Variants in WWOX observed in about 807,000 individuals in gnomAD.
The protein encoded by WWOX is WW domain containing oxidoreductase, also known as WW domain-containing oxidoreductase.
Under a neutral mutation model 46.2 loss-of-function variants are expected in WWOX, and 69 were observed. The ratio of observed to expected loss-of-function variants is 1.49; its 90% confidence interval spans 1.23 to 1.82. WWOX has a LOEUF of 1.82. Ranked by LOEUF, WWOX falls within the 40% of genes most tolerant of loss-of-function variation. The pLI, the probability that WWOX is intolerant of heterozygous loss-of-function variation, is 0.00. For missense variants in WWOX, 919 were observed against 542.6 expected, an observed-to-expected ratio of 1.69 and a Z score of -6.89; for synonymous variants, 359 against 202.6, an observed-to-expected ratio of 1.77 and a Z score of -6.56.
chr16:78,194,928 T>G (rs996562038), intron 5 of WWOX, among the ~76,000 whole-genome samples: 1 of 152,224 alleles, frequency 6.6e-6, no homozygotes, highest in Non-Finnish European at 1.5e-5. Context: ...ATGTGCGTTC[T>G]GCTATACAGC....
chr16:78,117,674 T>C (rs2032870315), intron 4 of WWOX, among the ~76,000 whole-genome samples: 1 of 152,234 alleles, frequency 6.6e-6, no homozygotes, highest in Non-Finnish European at 1.5e-5. Context: ...TGCCAATTTA[T>C]AAATTGCTAT....
intron 5 of WWOX, among the ~76,000 whole-genome samples, chr16:78,292,600 A>C (rs2079877084): frequency 6.6e-6 from 1 of 152,112 alleles, no homozygotes; most frequent in Non-Finnish European, 1.5e-5. Context: ...ATTTAGTTGA[A>C]AGATTATGTT....
chr16:78,144,472 T>TATACAC (rs2034115764), intron 4 of WWOX, among the ~76,000 whole-genome samples: 5 of 30,506 alleles, frequency 1.6e-4, no homozygotes, highest in African/African-American at 7.3e-4. Flanking sequence ...TACACACATA[T>TATACAC]ATATATATAT....
At chr16:78,811,774 C>T (rs539896389) in intron 8 of WWOX, among the ~76,000 whole-genome samples, 1 of 152,102 alleles carries the variant, frequency 6.6e-6, no homozygotes, top group Non-Finnish European at 1.5e-5. Flanking sequence ...CACCCAGATA[C>T]CATCCCACTG....
At chr16:78,421,309 C>T (rs2082924038) in intron 6 of WWOX, among the ~76,000 whole-genome samples, 1 of 152,128 alleles carries the variant, frequency 6.6e-6, no homozygotes, top group African/African-American at 2.4e-5. Context: ...TTTCTCCTAG[C>T]TTCCCATGAC....
At chr16:78,416,725 C>T (rs1369288817) in intron 6 of WWOX, among the ~76,000 whole-genome samples, 1 of 152,176 alleles carries the variant, frequency 6.6e-6, no homozygotes, top group Non-Finnish European at 1.5e-5. Context: ...GTAAACACTG[C>T]AGAAACTATC....
At chr16:78,386,599 C>G (rs576007721) in intron 5 of WWOX, among the ~76,000 whole-genome samples, 1 of 151,960 alleles carries the variant, frequency 6.6e-6, no homozygotes, top group Non-Finnish European at 1.5e-5. Context: ...GCCTCTTTTG[C>G]GCGGCTGAAA....
intron 8 of WWOX, among the ~76,000 whole-genome samples, chr16:78,913,418 A>G (rs916187964): frequency 1.3e-5 from 2 of 151,906 alleles, no homozygotes; most frequent in African/African-American, 4.8e-5. Flanking sequence ...CCTGACCTGT[A>G]AAAACCTGTC....
chr16:78,942,885 G>C (rs963703889), intron 8 of WWOX, among the ~76,000 whole-genome samples: 1 of 152,186 alleles, frequency 6.6e-6, no homozygotes, highest in Non-Finnish European at 1.5e-5. Context: ...AGAAAGAGAT[G>C]TTCTTTGCTT....
intron 8 of WWOX, among the ~76,000 whole-genome samples, chr16:78,613,158 C>G (rs765993188): frequency 3.9e-5 from 6 of 152,138 alleles, no homozygotes; most frequent in South Asian, 2.1e-4. Flanking sequence ...AGTGAGGACT[C>G]CCCTCCATGC....
chr16:78,695,032 T>C (rs997943605), intron 8 of WWOX, among the ~76,000 whole-genome samples: 7 of 152,194 alleles, frequency 4.6e-5, no homozygotes, highest in Admixed American at 4.6e-4. Context: ...AAGCTGCTTC[T>C]TTCAAATGCT....
chr16:79,204,150 G>C (rs1013810346), intron 8 of WWOX: 1 of 152,038 alleles, frequency 6.6e-6, no homozygotes, highest in African/African-American at 2.4e-5. Flanking sequence ...ACCCCAATGC[G>C]ATGTTTCATC....
intron 8 of WWOX, among the ~76,000 whole-genome samples, chr16:78,929,569 C>T (rs747958814): frequency 4.6e-5 from 7 of 152,056 alleles, no homozygotes; most frequent in Non-Finnish European, 8.8e-5. Context: ...CATTCTCCTC[C>T]CCAAATATTT....
At chr16:78,977,372 T>A (rs991667202) in intron 8 of WWOX, among the ~76,000 whole-genome samples, 3 of 152,188 alleles carry the variant, frequency 2.0e-5, no homozygotes, top group African/African-American at 7.2e-5. Flanking sequence ...ATTTGCCTTA[T>A]TCGTTATGAC....
At chr16:79,062,490 C>G (rs938671386) in intron 8 of WWOX, among the ~76,000 whole-genome samples, 2 of 152,246 alleles carry the variant, frequency 1.3e-5, no homozygotes, top group African/African-American at 2.4e-5. Flanking sequence ...ACAGTGCAAA[C>G]TATGCGATTA....
chr16:78,761,518 C>T (rs532116969), intron 8 of WWOX, among the ~76,000 whole-genome samples: 2 of 152,182 alleles, frequency 1.3e-5, no homozygotes, highest in African/African-American at 2.4e-5. Flanking sequence ...TTTTCTTTCT[C>T]TGCTCATCTA....
chr16:78,593,610 C>G (rs2045402812), intron 8 of WWOX, among the ~76,000 whole-genome samples: 1 of 152,136 alleles, frequency 6.6e-6, no homozygotes, highest in Non-Finnish European at 1.5e-5. Context: ...GACTTTGCTG[C>G]CACAGTTGAC....
chr16:78,318,345 A>C (rs1036176350), intron 5 of WWOX, among the ~76,000 whole-genome samples: 1 of 147,634 alleles, frequency 6.8e-6, no homozygotes, highest in Non-Finnish European at 1.5e-5. Context: ...CAATGGAGAC[A>C]GGAATGAGGA....
At chr16:78,558,206 T>G (rs1054588766) in intron 8 of WWOX, among the ~76,000 whole-genome samples, 2 of 152,118 alleles carry the variant, frequency 1.3e-5, no homozygotes, top group Non-Finnish European at 2.9e-5. Flanking sequence ...TTTCAGTGTT[T>G]TTGCCCTTCC....
Sources: gnomAD v4.1 joint callset for allele counts (sites outside exome capture counted in the v4.1 genomes callset) on GRCh38, gnomAD v4.1.1 for gene constraint, MANE v1.5 for transcripts, NCBI Gene and HGNC (gene_info 2026-07-23, HGNC 2026-07-21) for gene names.